Variants in WDR88 observed in about 807,000 individuals in gnomAD.
WDR88 encodes the protein WD repeat domain 88, also known as WD repeat-containing protein 88.
In WDR88, 40 loss-of-function variants were observed where a neutral mutation model predicts 46.8. The ratio of observed to expected loss-of-function variants is 0.86; its 90% CI spans 0.66 to 1.11. The LOEUF (loss-of-function observed/expected upper bound fraction) is 1.11. Ranked by LOEUF, WDR88 falls within the 50% of genes most tolerant of loss-of-function variation. The pLI is 0.00. For missense variants in WDR88, 562 were observed against 602.4 expected (o/e 0.93, Z 0.70); for synonymous variants, 235 against 240.7 (o/e 0.98, Z 0.22).
intron 1 of WDR88, among the ~76,000 whole-genome samples, chr19:33,133,198 T>TAAATAAAGAG (rs1555723214): frequency 1.0e-4 from 8 of 79,722 alleles, no homozygotes; most frequent in African/African-American, 2.6e-4. Flanking sequence ...TAAATAAATA[T>TAAATAAAGAG]AGAGAGAGAG....
intron 9 of WDR88, among the ~76,000 whole-genome samples, chr19:33,167,258 C>T (rs1031159465): frequency 1.3e-5 from 2 of 151,518 alleles, no homozygotes; most frequent in African/African-American, 4.9e-5. Flanking sequence ...GGTGGCTCAA[C>T]ATAAAATCAA....
intron 2 of WDR88, among the ~76,000 whole-genome samples, chr19:33,140,544 C>A (rs1043935522): frequency 6.6e-6 from 1 of 152,170 alleles, no homozygotes; most frequent in Non-Finnish European, 1.5e-5. Context: ...AATCCCAGCA[C>A]TTTGGGAGGC....
intron 6 of WDR88, among the ~76,000 whole-genome samples, chr19:33,154,607 G>A (rs1973699884): frequency 1.3e-5 from 2 of 152,164 alleles, no homozygotes; most frequent in African/African-American, 4.8e-5. Context: ...GTCTATCATT[G>A]ATGGGCATTT....
At position 33,147,785 on chromosome 19, in the gene WDR88, C is replaced by T. The variant is rs558762426; in HGVS notation, c.540+77C>T. ...AAGCCTCAGGCAGCTTTGGGTTGGACCCTGGGTAGGGGGAGGTGATAAAAC... is the reference window on the plus strand; with the variant it reads ...AAGCCTCAGGCAGCTTTGGGTTGGATCCTGGGTAGGGGGAGGTGATAAAAC... On this transcript the variant is annotated intron_variant, in intron 4 of 10. Coordinates refer to ENST00000355868, the MANE Select transcript of WDR88 (RefSeq NM_173479.4). The T allele has an allele frequency of 1.5e-4, 212 of 1,370,544 alleles. No homozygotes were observed. The African/African-American group carries it at 2.6e-3, about 17-fold the overall frequency. 84.9% of individuals were successfully genotyped at this position (1,370,544 alleles called of 1,614,324 possible).
At position 33,153,816 on chromosome 19, in the gene WDR88, G is replaced by C. The variant is rs150569469; in HGVS notation, c.809+2506G>C. ...CCACACTGTGGTTTTCATTTACACTGTCATTCATATTGTTTTTCTCCTATA... is the reference window on the plus strand; with the variant it reads ...CCACACTGTGGTTTTCATTTACACTCTCATTCATATTGTTTTTCTCCTATA... On this transcript the variant is annotated intron_variant, in intron 6 of 10. Coordinates refer to ENST00000355868, the MANE Select transcript of WDR88 (RefSeq NM_173479.4). Among the ~76,000 whole-genome samples, 648 of 152,224 alleles carry C rather than the reference G, an allele frequency of 4.3e-3. 4 individuals carry two copies. The highest frequency in any genetic ancestry group is 6.9e-3 in the Non-Finnish European group (467 of 68,008).
chr19:33,152,102 G>A (rs1426246786), intron 6 of WDR88, among the ~76,000 whole-genome samples: 1 of 150,866 alleles, frequency 6.6e-6, no homozygotes, highest in Non-Finnish European at 1.5e-5. Context: ...CGTGGTGGCG[G>A]GCACCTGTAA....
At chr19:33,169,381 G>A (rs182484683) in intron 9 of WDR88, among the ~76,000 whole-genome samples, 10 of 152,120 alleles carry the variant, frequency 6.6e-5, no homozygotes, top group African/African-American at 2.2e-4. Flanking sequence ...AAAGAACTTC[G>A]AAAACTCAAC....
chr19:33,144,800 C>T (rs770519863), intron 2 of WDR88, 44 bp from the exon 3 acceptor site: 3 of 1,573,958 alleles, frequency 1.9e-6, no homozygotes, highest in Admixed American at 1.7e-5. Flanking sequence ...TCAGCAAACA[C>T]GGCAGTGACC....
intron 10 of WDR88, among the ~76,000 whole-genome samples, chr19:33,173,259 A>T (rs1391325151): frequency 6.6e-6 from 1 of 152,082 alleles, no homozygotes; most frequent in Non-Finnish European, 1.5e-5. Context: ...TCAGTGGAGG[A>T]ATGGCCGGGT....
intron 9 of WDR88, among the ~76,000 whole-genome samples, chr19:33,168,933 T>G (rs1225088858): frequency 6.6e-6 from 1 of 152,112 alleles, no homozygotes; most frequent in Non-Finnish European, 1.5e-5. Flanking sequence ...ACAAATGGCT[T>G]AGAATAGAAA....
intron 1 of WDR88, among the ~76,000 whole-genome samples, chr19:33,133,216 GAA>G (rs1169406235): frequency 8.1e-5 from 12 of 148,578 alleles, no homozygotes; most frequent in Non-Finnish European, 1.6e-4. Context: ...GAGAGAGAAA[GAA>G]AGAAAGAAAA....
intron 6 of WDR88, among the ~76,000 whole-genome samples, chr19:33,156,135 T>C (rs896857278): frequency 6.6e-6 from 1 of 152,182 alleles, no homozygotes; most frequent in African/African-American, 2.4e-5. Context: ...GCAATTCACA[T>C]CTGGACCATG....
rs1974107591 is a variant in WDR88 at position 33,175,478 on chromosome 19, T to C, written c.1325T>C (p.Ile442Thr). ...EMFTQCVFCRIDTRGLPADTS... is the reference protein window; with the variant it reads ...EMFTQCVFCRTDTRGLPADTS... Reference sequence around the variant, plus strand: ...TTCACCCAATGCGTGTTCTGCCGGATAGATACAAGGGGCTTGCCAGCAGAT... The same window carrying C: ...TTCACCCAATGCGTGTTCTGCCGGACAGATACAAGGGGCTTGCCAGCAGAT... Residue 442 changes from isoleucine to threonine, a missense_variant, in exon 11 of 11, where the codon ATA (isoleucine) becomes ACA (threonine). Transcript: ENST00000355868. 3.1e-6 allele frequency: 5 copies of C among 1,614,046 alleles called. No homozygotes were observed. The highest frequency in any genetic ancestry group is 1.6e-4 in the Middle Eastern group (1 of 6,084).
chr19:33,140,930 C>T (rs1459211279), intron 2 of WDR88, among the ~76,000 whole-genome samples: 2 of 142,404 alleles, frequency 1.4e-5, no homozygotes, highest in Non-Finnish European at 3.0e-5. Flanking sequence ...AACTACCAAA[C>T]TTACATTTTT....
intron 9 of WDR88, among the ~76,000 whole-genome samples, chr19:33,167,269 T>C (rs1196012394): frequency 2.0e-5 from 3 of 151,976 alleles, no homozygotes; most frequent in Non-Finnish European, 4.4e-5. Context: ...ATAAAATCAA[T>C]GTAATATATT....
chr19:33,174,824 A>G (rs1160252883), intron 10 of WDR88: 1 of 952,966 alleles, frequency 1.0e-6, no homozygotes, highest in Non-Finnish European at 1.2e-6. Flanking sequence ...AGGAGACATG[A>G]GCTGGCAGGA....
chr19:33,148,317 T>C (rs2145384509), intron 4 of WDR88, among the ~76,000 whole-genome samples: 1 of 152,266 alleles, frequency 6.6e-6, no homozygotes, highest in East Asian at 1.9e-4. Context: ...AGGCCTTTTC[T>C]GTCCCTTCCT....
At chr19:33,160,546 C>G (rs774669745) in intron 8 of WDR88, 50 bp downstream of exon 8, 14 of 1,592,162 alleles carry the variant, frequency 8.8e-6, no homozygotes, top group Non-Finnish European at 1.2e-5. Context: ...CTCCCGAGTC[C>G]TTCCTGTGCT....
In WDR88 at chr19:33,175,440, C is replaced by G. The variant is rs200409866; in HGVS notation, c.1287C>G (p.Thr429=). Residue 429 remains threonine, a synonymous_variant, in exon 11 of 11, where the codon ACC becomes ACG. Transcript: ENST00000355868. ...CTTTCTCCATCTTCAAGAGTGACAC[C>G]TCTTCTGAAATGTTCACCCAATGCG... ...DRPFSIFKSD[T]SSEMFTQCVF... 1 of 1,614,152 alleles carries G rather than the reference C, an allele frequency of 6.2e-7. No individual in the cohort carries two copies. Among genetic ancestry groups the G allele is most frequent in the East Asian group, 2.2e-5 (1 of 44,882 alleles).
Sources: allele counts gnomAD v4.1 joint callset (sites outside exome capture counted in the v4.1 genomes callset), GRCh38; gene constraint gnomAD v4.1.1; transcripts MANE v1.5; gene names NCBI Gene and HGNC (gene_info 2026-07-23, HGNC 2026-07-21).